Variants in ANK3 observed in about 807,000 individuals in gnomAD.
ANK3 encodes ankyrin 3.
In ANK3, 57 loss-of-function variants were observed where a neutral mutation model predicts 370.9. That is an observed-to-expected ratio of 0.15 (90% CI 0.12 to 0.19). The LOEUF (loss-of-function observed/expected upper bound fraction) is 0.19. ANK3 is among the 10% of genes least tolerant of loss of function. The pLI, the probability that ANK3 is intolerant of heterozygous loss-of-function variation, is 1.00. For synonymous variants in ANK3, 1,929 were observed against 1,946.3 expected (o/e 0.99, Z 0.23); for missense variants, 4,439 against 5,302.1 (o/e 0.84, Z 5.06).
chr10:60,692,609 G>A (rs1054958032), intron 1 of ANK3, among the ~76,000 whole-genome samples: 16 of 152,174 alleles, frequency 1.1e-4, no homozygotes, highest in South Asian at 4.2e-4. Context: ...TCTAGGGTGC[G>A]TGGCCTCAGG....
At chr10:60,626,862 A>G (rs1359390554) in intron 1 of ANK3, among the ~76,000 whole-genome samples, 1 of 152,186 alleles carries the variant, frequency 6.6e-6, no homozygotes, top group Non-Finnish European at 1.5e-5. Context: ...TTGAAATACT[A>G]GCATGTAGTC....
At chr10:60,032,740 G>A (rs1402793919) in intron 43 of ANK3, among the ~76,000 whole-genome samples, 1 of 152,066 alleles carries the variant, frequency 6.6e-6, no homozygotes, top group African/African-American at 2.4e-5. Context: ...GATGTTTTGG[G>A]TGATTTTTTT....
chr10:60,724,580 A>G (rs2079914939), intron 1 of ANK3, among the ~76,000 whole-genome samples: 1 of 152,218 alleles, frequency 6.6e-6, no homozygotes, highest in Admixed American at 6.5e-5. Context: ...AATATTTAGC[A>G]TATTACATTC....
chr10:60,616,907 C>T (rs2078275367), intron 1 of ANK3, among the ~76,000 whole-genome samples: 2 of 152,026 alleles, frequency 1.3e-5, no homozygotes, highest in African/African-American at 4.8e-5. Flanking sequence ...ATGGTATGTA[C>T]TTTTTATTCG....
rs994626874 is a variant in ANK3, at chr10:60,477,133, A to G, written c.96+138053T>C. 2.0e-5 allele frequency among the ~76,000 whole-genome samples: 3 copies of G among 152,162 alleles called. No individual in the cohort carries two copies. The East Asian group carries it at 5.8e-4, about 29-fold the overall frequency. ...AAAATATATACTTATTTTAATTTCA[A>G]GAAGTGGGGAGAGAGTGAAAGGGGC... is the stretch of plus-strand genomic sequence containing the variant. On this transcript the variant is annotated intron_variant, in intron 2 of 43. Transcript: ENST00000373827.
In ANK3 at chr10:60,711,520, TA is replaced by T. The variant is rs1485884080; in HGVS notation, c.57+21742del. On this transcript the variant is annotated intron_variant, in intron 1 of 43. Coordinates refer to the ANK3 transcript ENST00000373827. ...AGATGTCAGTAGAAACTTCCCAAAA[TA>T]AAATACAAAGAGAAAAAAGAATATT... Among the ~76,000 whole-genome samples, 7 of 151,418 alleles carry T rather than the reference TA, an allele frequency of 4.6e-5. No individual in the cohort carries two copies. The East Asian group carries it at 1.2e-3, about 25-fold the overall frequency.
rs1416838311 is a variant in ANK3 at position 60,059,537 on chromosome 10, G to T, written c.12596-107C>A. On this transcript the variant is annotated intron_variant, in intron 40 of 43. Transcript: ENST00000280772. The stretch of plus-strand genomic sequence containing the variant: ...ACTCTACTCCTTCTTCAAGTTGAAT[G>T]TCCTCAAATAGAGATTTGAGTTTCT... The T allele has an allele frequency of 3.2e-6, 4 of 1,244,610 alleles. No individual in the cohort carries two copies. In the African/African-American group the frequency reaches 5.9e-5, roughly 18 times the overall value. The allele number at this position is 1,244,610 out of a possible 1,614,324, so 77.1% of individuals were successfully genotyped here.
chr10:60,415,097 G>C (rs1023845927), intron 2 of ANK3, among the ~76,000 whole-genome samples: 1 of 152,132 alleles, frequency 6.6e-6, no homozygotes, highest in Non-Finnish European at 1.5e-5. Flanking sequence ...AGAAAAACCA[G>C]ATTGTATTGT....
At chr10:60,425,725 A>T (rs947060957) in intron 2 of ANK3, among the ~76,000 whole-genome samples, 1 of 152,160 alleles carries the variant, frequency 6.6e-6, no homozygotes, top group South Asian at 2.1e-4. Flanking sequence ...CTCCTCTGGC[A>T]TGACAGGGAA....
intron 25 of ANK3, among the ~76,000 whole-genome samples, chr10:60,118,659 T>A (rs991146337): frequency 5.0e-5 from 7 of 140,376 alleles, no homozygotes; most frequent in African/African-American, 8.0e-5. Flanking sequence ...TTCCTTTAAT[T>A]TTTTTGGCAT....
At chr10:60,196,487 G>A (rs770136873) in intron 15 of ANK3, 40 bp downstream of exon 15, 23 of 1,348,968 alleles carry the variant, frequency 1.7e-5, no homozygotes, top group East Asian at 1.4e-4. Context: ...TTTTGTTATC[G>A]TGGAAGTGGC....
At chr10:60,635,719 A>T (rs1276473633) in intron 1 of ANK3, among the ~76,000 whole-genome samples, 1 of 148,116 alleles carries the variant, frequency 6.8e-6, no homozygotes, top group Non-Finnish European at 1.5e-5. Context: ...AAAAAAAAAA[A>T]GCTCATTGCA....
chr10:60,636,718 C>G (rs1193692883), intron 1 of ANK3, among the ~76,000 whole-genome samples: 1 of 152,152 alleles, frequency 6.6e-6, no homozygotes, highest in Non-Finnish European at 1.5e-5. Context: ...TTTACAAGAA[C>G]AGACAAGGCA....
intron 1 of ANK3, among the ~76,000 whole-genome samples, chr10:60,718,367 C>A (rs74157809): frequency 2.8e-4 from 43 of 151,860 alleles, no homozygotes; most frequent in African/African-American, 8.7e-4. Flanking sequence ...ACTTTACAGG[C>A]AAAGTAATAA....
At chr10:60,135,396 C>G (rs2094293263) in intron 24 of ANK3, among the ~76,000 whole-genome samples, 1 of 152,354 alleles carries the variant, frequency 6.6e-6, no homozygotes, top group East Asian at 1.9e-4. Context: ...CTATTCTGCT[C>G]TCCTTGGAAT....
intron 21 of ANK3, among the ~76,000 whole-genome samples, chr10:60,169,210 GT>G (rs1434382827): frequency 6.6e-6 from 1 of 152,026 alleles, no homozygotes; most frequent in East Asian, 1.9e-4. Flanking sequence ...AGCATCCGTT[GT>G]TTTTTGACTT....
chr10:60,615,118 T>C (rs1777545768), intron 2 of ANK3: 10 of 1,043,878 alleles, frequency 9.6e-6, no homozygotes, highest in Non-Finnish European at 1.3e-5. Flanking sequence ...TCTATGTTTA[T>C]AATTGTAAGA....
chr10:60,465,595 A>T (rs2064991448), intron 2 of ANK3, among the ~76,000 whole-genome samples: 2 of 152,132 alleles, frequency 1.3e-5, no homozygotes, highest in Non-Finnish European at 2.9e-5. Context: ...AGAAAGTGTG[A>T]CTAGAGGGAT....
chr10:60,493,624 G>A (rs147655769), intron 2 of ANK3, among the ~76,000 whole-genome samples: 3,029 of 152,128 alleles, frequency 0.02, 110 homozygotes, highest in African/African-American at 0.069. Flanking sequence ...ACAGTGTCAA[G>A]TTGAGTTTTT....
Sources: gnomAD v4.1 joint callset for allele counts (sites outside exome capture counted in the v4.1 genomes callset) on GRCh38, gnomAD v4.1.1 for gene constraint, MANE v1.5 for transcripts, NCBI Gene and HGNC (gene_info 2026-07-23, HGNC 2026-07-21) for gene names.